Variants in PPM1D observed in about 807,000 individuals in gnomAD.
PPM1D encodes the protein protein phosphatase, Mg2+/Mn2+ dependent 1D.
Under a neutral mutation model 58.3 loss-of-function variants are expected in PPM1D, and 52 were observed. The observed-to-expected ratio is 0.89, with a 90% confidence interval of 0.71 to 1.12. The LOEUF is 1.12. Among genes scored for constraint, PPM1D ranks in the 50% most tolerant of loss-of-function variants. PPM1D has a pLI of 0.00. For synonymous variants in PPM1D, 278 were observed against 285.1 expected (o/e 0.98, Z 0.25); for missense variants, 564 against 777.2 (o/e 0.73, Z 3.26).
chr17:60,627,573 C>T (rs2143662449), intron 2 of PPM1D, among the ~76,000 whole-genome samples: 1 of 152,182 alleles, frequency 6.6e-6, no homozygotes, highest in East Asian at 1.9e-4. Context: ...AGGTGCCCGC[C>T]ACCATGCCCA....
At chr17:60,627,370 A>G (rs529668059) in intron 2 of PPM1D, among the ~76,000 whole-genome samples, 2 of 152,064 alleles carry the variant, frequency 1.3e-5, no homozygotes, top group Non-Finnish European at 2.9e-5. Context: ...TAGTCTCTTG[A>G]GAGCTGGGAC....
chr17:60,623,471 G>A lies in PPM1D; in HGVS notation c.473-50G>A. 2.0e-6 allele frequency: 3 copies of A among 1,533,230 alleles called. No individual in the cohort carries two copies. In the South Asian group the frequency reaches 3.7e-5, roughly 19 times the overall value. 95.0% of individuals were successfully genotyped at this position (1,533,230 alleles called of 1,614,324 possible). A position where few individuals can be genotyped will look rare whatever the true frequency, so the allele number is the denominator to read the frequency against. ...TTGTTGCCATTTGTATCCTGACAGTGTATTAATGTTTATACTTGCAAGAGT... is the reference window on the plus strand; with the variant it reads ...TTGTTGCCATTTGTATCCTGACAGTATATTAATGTTTATACTTGCAAGAGT... On this transcript the variant is annotated intron_variant, in intron 1 of 5. Coordinates refer to ENST00000305921, the MANE Select transcript of PPM1D (RefSeq NM_003620.4).
intron 1 of PPM1D, among the ~76,000 whole-genome samples, chr17:60,613,890 G>GCCCCCCCCCCCCCCCC (rs61669650): frequency 7.3e-6 from 1 of 137,368 alleles, no homozygotes; most frequent in African/African-American, 2.9e-5. Context: ...CATACCTGAG[G>GCCCCCCCCCCCCCCCC]CCCCCCCCCC....
In PPM1D at chr17:60,663,258, G is replaced by A. The variant is rs1476011414; in HGVS notation, c.1524G>A (p.Met508Ile). The change falls in exon 6 of 6, where the codon ATG becomes ATA. Residue 508 changes from methionine (M) to isoleucine (I), a missense_variant. Transcript: ENST00000305921. Reference protein sequence around the residue: ...LVPTNSTNTVMDQKNLKMSTP... With the variant: ...LVPTNSTNTVIDQKNLKMSTP... ...CTACTAATTCAACAAACACTGTCAT[G>A]GACCAAAAAAATTTGAAGATGTCAA... 4 of 1,614,096 alleles carry A rather than the reference G, an allele frequency of 2.5e-6. No individual in the cohort carries two copies. In the Admixed American group the frequency reaches 6.7e-5, roughly 27 times the overall value.
At chr17:60,626,811 T>G (rs1272172122) in intron 2 of PPM1D, among the ~76,000 whole-genome samples, 1 of 152,184 alleles carries the variant, frequency 6.6e-6, no homozygotes, top group Non-Finnish European at 1.5e-5. Flanking sequence ...CCCAAATTGT[T>G]GGGATTACAG....
intron 2 of PPM1D, among the ~76,000 whole-genome samples, chr17:60,631,354 G>A (rs1317578469): frequency 3.4e-5 from 5 of 148,826 alleles, no homozygotes; most frequent in Non-Finnish European, 6.0e-5. Context: ...AAAAGGGATG[G>A]TAGGCTGGGC....
chr17:60,645,486 G>GTGTGTGTGTATGTGTATATATATA (rs2031217931), intron 3 of PPM1D, among the ~76,000 whole-genome samples: 1 of 142,154 alleles, frequency 7.0e-6, no homozygotes, highest in Non-Finnish European at 1.5e-5. Flanking sequence ...GTGTGTGTGT[G>GTGTGTGTGTATGTGTATATATATA]TGTGTGTATG....
intron 3 of PPM1D, among the ~76,000 whole-genome samples, chr17:60,643,883 CTTTTTTTTT>C (rs71148308): frequency 5.1e-5 from 5 of 97,748 alleles, no homozygotes; most frequent in East Asian, 3.1e-4. Context: ...CTTTTCTTTT[CTTTTTTTTT>C]TTTTTTTTTT....
chr17:60,632,827 C>T (rs1295059605), intron 2 of PPM1D, among the ~76,000 whole-genome samples: 4 of 151,790 alleles, frequency 2.6e-5, no homozygotes, highest in Middle Eastern at 3.4e-3. Context: ...AATTAGCAGG[C>T]GTGGTAGCGT....
At chr17:60,634,039 A>G (rs2030977046) in intron 3 of PPM1D, 62 bp downstream of exon 3, 2 of 1,560,240 alleles carry the variant, frequency 1.3e-6, no homozygotes, top group African/African-American at 2.7e-5. Flanking sequence ...GTGGCAAAAT[A>G]AAAGAGGAGA....
intron 5 of PPM1D, among the ~76,000 whole-genome samples, chr17:60,662,782 A>G (rs1227677395): frequency 3.3e-5 from 5 of 152,170 alleles, no homozygotes; most frequent in Non-Finnish European, 5.9e-5. Context: ...ACAGAATTCA[A>G]TGTCATTCTT....
In PPM1D at chr17:60,663,402, T is replaced by C; in HGVS notation, c.1668T>C (p.Ser556=). ...LMKKHRRNGL[S]RSSGAQPASL... Reference sequence around the variant, plus strand: ...AGAAGCATAGACGAAATGGCTTAAGTCGAAGTAGTGGTGCTCAGCCTGCAA... The same window carrying C: ...AGAAGCATAGACGAAATGGCTTAAGCCGAAGTAGTGGTGCTCAGCCTGCAA... Residue 556 remains serine (S), a synonymous_variant, in exon 6 of 6, where the codon AGT becomes AGC. Transcript: ENST00000305921. 1 of 1,614,140 alleles carries C rather than the reference T, an allele frequency of 6.2e-7. No individual in the cohort carries two copies. The highest frequency in any genetic ancestry group is 8.5e-7 in the Non-Finnish European group (1 of 1,180,030).
At chr17:60,657,533 A>G (rs1477085644) in intron 5 of PPM1D, among the ~76,000 whole-genome samples, 3 of 152,184 alleles carry the variant, frequency 2.0e-5, no homozygotes, top group Non-Finnish European at 2.9e-5. Flanking sequence ...TTTTCAGTAG[A>G]CTGACCATTA....
intron 4 of PPM1D, among the ~76,000 whole-genome samples, chr17:60,649,722 A>G (rs896292746): frequency 3.3e-5 from 5 of 152,166 alleles, no homozygotes; most frequent in African/African-American, 9.7e-5. Context: ...CATTCACTCA[A>G]TTAACATACT....
chr17:60,662,749 T>C (rs994696217), intron 5 of PPM1D, among the ~76,000 whole-genome samples: 12 of 152,346 alleles, frequency 7.9e-5, no homozygotes, highest in African/African-American at 2.9e-4. Context: ...GATTACTTTA[T>C]AATTTCATCT....
rs190844440 is a variant in PPM1D, at chr17:60,650,594, A to C, written c.1017+2512A>C. The stretch of plus-strand genomic sequence containing the variant: ...CAACAACAAAAAACACAAATACATA[A>C]GTAGTAGAATTGACAGCTCTTATGT... On this transcript the variant is annotated intron_variant, in intron 4 of 5. Coordinates refer to ENST00000305921, the MANE Select transcript of PPM1D (RefSeq NM_003620.4). 1.2e-4 allele frequency among the ~76,000 whole-genome samples: 18 copies of C among 152,224 alleles called. No homozygotes were observed. The East Asian group carries it at 2.9e-3, about 24-fold the overall frequency.
chr17:60,600,270 G>GC lies in PPM1D; in HGVS notation c.-144dup. On this transcript the variant is annotated 5_prime_UTR_variant, in exon 1 of 6. Transcript: ENST00000305921. ...TCTCGCGGACAAGTCCAGACATCGC[G>GC]CGCCCCCCCTTCTCCGGGTCCGCCC... 7.1e-7 allele frequency: 1 copy of GC among 1,410,142 alleles called. No individual in the cohort carries two copies. The highest frequency in any genetic ancestry group is 9.3e-7 in the Non-Finnish European group (1 of 1,077,004). 87.4% of individuals were successfully genotyped at this position (1,410,142 alleles called of 1,614,324 possible).
chr17:60,609,119 A>T (rs981794195), intron 1 of PPM1D, among the ~76,000 whole-genome samples: 3 of 151,476 alleles, frequency 2.0e-5, no homozygotes, highest in African/African-American at 7.3e-5. Flanking sequence ...TTTAAGACAG[A>T]GTCTTGCTTA....
intron 2 of PPM1D, among the ~76,000 whole-genome samples, chr17:60,629,597 G>T (rs1598405423): frequency 6.6e-6 from 1 of 152,096 alleles, no homozygotes; most frequent in African/African-American, 2.4e-5. Context: ...ATTATAAACA[G>T]AATTCTTCCA....
Sources: gnomAD v4.1 joint callset for allele counts (sites outside exome capture counted in the v4.1 genomes callset) on GRCh38, gnomAD v4.1.1 for gene constraint, MANE v1.5 for transcripts, NCBI Gene and HGNC (gene_info 2026-07-23, HGNC 2026-07-21) for gene names.